Variants in UCHL5 observed in about 807,000 individuals in gnomAD.
The protein encoded by UCHL5 is ubiquitin C-terminal hydrolase L5.
UCHL5 carries 34 observed loss-of-function variants against 53.8 expected under a neutral mutation model. That is an observed-to-expected ratio of 0.63 (90% CI 0.48 to 0.84). UCHL5 has a LOEUF of 0.84. Ranked by LOEUF, UCHL5 falls within the 40% of genes least tolerant of loss-of-function variation. UCHL5 has a pLI of 0.00. For missense variants in UCHL5, 290 were observed against 385.6 expected, an observed-to-expected ratio of 0.75 and a Z score of 2.08; for synonymous variants, 111 against 126.3, an observed-to-expected ratio of 0.88 and a Z score of 0.81.
At position 193,029,622 on chromosome 1, in the gene UCHL5, C is replaced by T. The variant is rs148706595; in HGVS notation, c.282G>A (p.Val94=). 15 of 1,612,338 alleles carry T rather than the reference C, an allele frequency of 9.3e-6. No homozygotes were observed. The highest frequency in any genetic ancestry group is 1.3e-5 in the Non-Finnish European group (15 of 1,179,164). The change falls in exon 4 of 11, where the codon GTG becomes GTA. Residue 94 remains valine, a synonymous_variant. Transcript: ENST00000367454. The part of the protein sequence containing the change: ...INNACATQAI[V]SVLLNCTHQD... ...GGTGGGTACAGTTCAGTAACACACT[C>T]ACTATGGCTTGAGTAGCACAAGCAT...
chr1:193,017,367 T>C (rs538215648), intron 10 of UCHL5, among the ~76,000 whole-genome samples: 1 of 151,860 alleles, frequency 6.6e-6, no homozygotes, highest in South Asian at 2.1e-4. Context: ...TTTTGTAATG[T>C]ATTAGGTAGT....
At chr1:193,034,927 C>T (rs1662813288) in intron 3 of UCHL5, among the ~76,000 whole-genome samples, 1 of 151,564 alleles carries the variant, frequency 6.6e-6, no homozygotes. Context: ...AATAACAGAA[C>T]ATTAAAAATA....
intron 3 of UCHL5, among the ~76,000 whole-genome samples, chr1:193,040,470 T>A (rs994398903): frequency 5.3e-5 from 8 of 152,124 alleles, no homozygotes; most frequent in African/African-American, 1.9e-4. Context: ...TTAAAATGGC[T>A]TTTAACAAAA....
chr1:193,052,046 C>T (rs544669937), intron 1 of UCHL5, among the ~76,000 whole-genome samples: 155 of 152,108 alleles, frequency 1.0e-3, no homozygotes, highest in Non-Finnish European at 1.9e-3. Context: ...TGAATTACCA[C>T]TCTATGACTG....
Position 193,059,130 on chromosome 1 carries a change from C to T in UCHL5, c.76+55G>A, listed in dbSNP as rs1036170265. The stretch of plus-strand genomic sequence containing the variant: ...TGGCCGCAGGGAACCACTCCATGCC[C>T]AGCTTGGGCCTCCTCCCGTGACCCC... On this transcript the variant is annotated intron_variant, in intron 1 of 10. Transcript: ENST00000367454. The surrounding 1 kb of genome is among the most constrained non-coding windows in gnomAD (Gnocchi z 4.9). 162 of 1,477,010 alleles carry T rather than the reference C, an allele frequency of 1.1e-4. 1 individual carries two copies. The Middle Eastern group carries it at 1.1e-3, about 10-fold the overall frequency. 91.5% of individuals were successfully genotyped at this position (1,477,010 alleles called of 1,614,324 possible).
At chr1:193,027,282 T>C (rs1659636283) in intron 7 of UCHL5, among the ~76,000 whole-genome samples, 1 of 152,108 alleles carries the variant, frequency 6.6e-6, no homozygotes, top group African/African-American at 2.4e-5. Context: ...TGAATATATA[T>C]ATAATTATCT....
At chr1:193,040,460 T>C (rs1309968972) in intron 3 of UCHL5, among the ~76,000 whole-genome samples, 1 of 152,136 alleles carries the variant, frequency 6.6e-6, no homozygotes, top group Non-Finnish European at 1.5e-5. Flanking sequence ...CTCACCCAAG[T>C]TAAAATGGCT....
intron 1 of UCHL5, chr1:193,057,526 C>G (rs926412048): frequency 8.5e-5 from 13 of 152,214 alleles, no homozygotes; most frequent in African/African-American, 3.1e-4. Flanking sequence ...TAGCTTCTCT[C>G]ACTTTATTCC....
intron 7 of UCHL5, among the ~76,000 whole-genome samples, chr1:193,024,439 A>G (rs560990410): frequency 6.6e-6 from 1 of 151,546 alleles, no homozygotes; most frequent in African/African-American, 2.4e-5. Flanking sequence ...AGAGCTCAGA[A>G]AAAAACAAAT....
chr1:193,028,054 A>G, intron 7 of UCHL5, 31 bp downstream of exon 7: 1 of 1,597,318 alleles, frequency 6.3e-7, no homozygotes, highest in Non-Finnish European at 8.5e-7. Flanking sequence ...AAAACAGAAT[A>G]TTATGCCAAT....
chr1:193,059,235 C>G lies in UCHL5; in HGVS notation c.26G>C (p.Cys9Ser). The G allele has an allele frequency of 6.2e-7, 1 of 1,614,102 alleles. No individual in the cohort carries two copies. Among genetic ancestry groups the G allele is most frequent in the Non-Finnish European group, 8.5e-7 (1 of 1,180,018 alleles). Residue 9 changes from cysteine (C) to serine (S), a missense_variant, in exon 1 of 11, where the codon TGC becomes TCC. Coordinates refer to ENST00000367454, the MANE Select transcript of UCHL5 (RefSeq NM_001199261.3). The surrounding 1 kb of genome is among the most constrained non-coding windows in gnomAD (Gnocchi z 4.9). MTGNAGEW[C>S]LMESDPGVFT... ...GACCCCGGGGTCGCTTTCCATGAGG[C>G]ACCACTCCCCGGCATTGCCCGTCAT...
rs999288943 is a variant in UCHL5, at chr1:193,013,521, G to A, written c.*2830C>T. ...ACATATGTGTACACATGAGGAAAAA[G>A]GATCACTAAATACATAAAATGTTAA... On this transcript the variant is annotated 3_prime_UTR_variant, in exon 11 of 11. Transcript: ENST00000367454. 6.6e-6 allele frequency: 1 copy of A among 152,006 alleles called. No homozygotes were observed. Among genetic ancestry groups the A allele is most frequent in the Non-Finnish European group, 1.5e-5 (1 of 67,988 alleles). The allele number at this position is 152,006 out of a possible 1,614,324, so 9.4% of individuals were successfully genotyped here. A position where few individuals can be genotyped will look rare whatever the true frequency, so the allele number is the denominator to read the frequency against.
intron 3 of UCHL5, among the ~76,000 whole-genome samples, chr1:193,041,636 G>A (rs1025954293): frequency 6.6e-6 from 1 of 152,114 alleles, no homozygotes; most frequent in African/African-American, 2.4e-5. Flanking sequence ...GTATACACCA[G>A]GAGAAACTTG....
upstream of UCHL5, chr1:193,059,718 G>C (rs1176182513): frequency 7.4e-7 from 1 of 1,353,270 alleles, no homozygotes; most frequent in African/African-American, 1.5e-5. This position sits in a 1 kb window ranked among gnomAD's most constrained non-coding sequence, Gnocchi z 4.9. Flanking sequence ...GTTTCCCAGC[G>C]CTGCGCAGGA....
intron 7 of UCHL5, chr1:193,027,821 C>A: frequency 9.5e-7 from 1 of 1,050,724 alleles, no homozygotes; most frequent in Non-Finnish European, 1.3e-6. Context: ...ATGCATTAAC[C>A]CAATCAAAAG....
chr1:193,020,940 A>C (rs537130434), intron 10 of UCHL5, among the ~76,000 whole-genome samples, 157 bp downstream of exon 10: 27 of 152,172 alleles, frequency 1.8e-4, no homozygotes, highest in Non-Finnish European at 7.4e-5. Context: ...CAATTGAACT[A>C]ATTCTTACAG....
chr1:193,029,471 G>T (rs1242108014), intron 4 of UCHL5, 22 bp from the exon 5 acceptor site: 1 of 1,613,162 alleles, frequency 6.2e-7, no homozygotes, highest in Non-Finnish European at 8.5e-7. Context: ...TTTTAAAGTA[G>T]CCTATTAATA....
intron 10 of UCHL5, chr1:193,018,828 C>T (rs904064038): frequency 5.8e-6 from 9 of 1,563,464 alleles, no homozygotes; most frequent in Non-Finnish European, 6.9e-6. Flanking sequence ...TCCCTGAAAA[C>T]AAAACACAGT....
intron 3 of UCHL5, among the ~76,000 whole-genome samples, chr1:193,030,413 T>C (rs187910854): frequency 2.4e-4 from 36 of 152,346 alleles, no homozygotes; most frequent in African/African-American, 8.4e-4. Flanking sequence ...GGCACACAGC[T>C]GATCTTGTTC....
Sources: gnomAD v4.1 joint callset for allele counts (sites outside exome capture counted in the v4.1 genomes callset) on GRCh38, gnomAD v4.1.1 for gene constraint, Gnocchi (gnomAD v3.1) non-coding constraint, MANE v1.5 for transcripts, NCBI Gene and HGNC (gene_info 2026-07-23, HGNC 2026-07-21) for gene names.